Variants in SPEN observed in about 807,000 individuals in gnomAD.
SPEN encodes the protein msx2-interacting protein.
In SPEN, 18 loss-of-function variants were observed where a neutral mutation model predicts 269.9. The observed-to-expected ratio is 0.07, with a 90% CI of 0.05 to 0.10. The LOEUF (loss-of-function observed/expected upper bound fraction) is 0.10, where lower values mean the gene tolerates loss of function less well. Among genes scored for constraint, SPEN ranks in the 10% least tolerant of loss-of-function variants. SPEN has a pLI of 1.00. For missense variants in SPEN, 3,822 were observed against 4,631.2 expected (o/e 0.83, Z 5.07); for synonymous variants, 1,726 against 1,765.7 (o/e 0.98, Z 0.56).
In SPEN at chr1:15,935,257, G is replaced by C; in HGVS notation, c.9017G>C (p.Ser3006Thr). Residue 3006 changes from serine (S) to threonine (T), a missense_variant, in exon 11 of 15, where the codon AGC becomes ACC. Ser to Thr is a moderately conservative substitution (Grantham distance 58). Around this residue, in one of 16 missense-constraint regions of SPEN, gnomAD observed 94 missense variants for 90.4 expected, o/e 1.04. Coordinates refer to ENST00000375759, the MANE Select transcript of SPEN (RefSeq NM_015001.3). This position sits in a 1 kb window ranked among gnomAD's most constrained non-coding sequence, Gnocchi z 7.7. The stretch of plus-strand genomic sequence containing the variant: ...GTCAACCATGTCCCCTCGGGGCCCA[G>C]CATCCCAGCAGATCGAACTGTCTCC... ...TEVNHVPSGP[S>T]IPADRTVSHL... 6.2e-7 allele frequency: 1 copy of C among 1,614,108 alleles called. No homozygotes were observed. The highest frequency in any genetic ancestry group is 8.5e-7 in the Non-Finnish European group (1 of 1,180,028).
At chr1:15,851,149 TTTTG>T (rs778056018) in intron 1 of SPEN, among the ~76,000 whole-genome samples, 5 of 152,312 alleles carry the variant, frequency 3.3e-5, no homozygotes, top group Non-Finnish European at 5.9e-5. Context: ...TTCTGATTAG[TTTTG>T]TTTGTTTGTT....
intron 1 of SPEN, among the ~76,000 whole-genome samples, chr1:15,859,140 G>GTTTTT (rs34623941): frequency 1.5e-4 from 20 of 135,672 alleles, no homozygotes; most frequent in African/African-American, 5.3e-4. Flanking sequence ...TTCTTTTTTA[G>GTTTTT]TTTTTTTTTT....
At chr1:15,888,451 G>A in intron 3 of SPEN, among the ~76,000 whole-genome samples, 1 of 151,700 alleles carries the variant, frequency 6.6e-6, no homozygotes, top group Non-Finnish European at 1.5e-5. Context: ...AGCCTCCCTA[G>A]TAGCTGGGAT....
intron 3 of SPEN, among the ~76,000 whole-genome samples, chr1:15,908,932 C>T (rs1013074450): frequency 2.0e-5 from 3 of 152,068 alleles, no homozygotes; most frequent in East Asian, 1.9e-4. Flanking sequence ...GATTTGTCCA[C>T]GGACATGTGC....
intron 3 of SPEN, among the ~76,000 whole-genome samples, chr1:15,904,963 A>G (rs1207209895): frequency 6.7e-6 from 1 of 148,476 alleles, no homozygotes; most frequent in Non-Finnish European, 1.5e-5. Flanking sequence ...ACCTTGGCTC[A>G]CTGCGACCTC....
intron 6 of SPEN, among the ~76,000 whole-genome samples, chr1:15,918,603 AG>A (rs1277283189): frequency 6.6e-6 from 1 of 152,250 alleles, no homozygotes; most frequent in Non-Finnish European, 1.5e-5. Context: ...TTCATTAAAT[AG>A]CCTGCCTTTT....
intron 3 of SPEN, among the ~76,000 whole-genome samples, chr1:15,892,750 T>A (rs1218211886): frequency 6.6e-6 from 1 of 152,156 alleles, no homozygotes; most frequent in Middle Eastern, 3.2e-3. Flanking sequence ...CTAAATAAAT[T>A]AATTTCCCAA....
chr1:15,929,149 C>A lies in SPEN; in HGVS notation c.2909C>A (p.Ala970Glu). 1 of 1,614,086 alleles carries A rather than the reference C, an allele frequency of 6.2e-7. No homozygotes were observed. The highest frequency in any genetic ancestry group is 8.5e-7 in the Non-Finnish European group (1 of 1,180,024). ...AAGCACCTCAAGCCTGAGCAGCCTG[C>A]AGATGGGGTAAGTGCTGTGGATCTG... ...ARKHLKPEQP[A>E]DGVSAVDLEK... Residue 970 changes from alanine (A) to glutamate (E), a missense_variant, in exon 11 of 15, where the codon GCA becomes GAA. Physicochemically the swap from Ala to Glu is moderately radical, Grantham distance 107. Coordinates refer to ENST00000375759, the MANE Select transcript of SPEN (RefSeq NM_015001.3). The surrounding 1 kb of genome is among the most constrained non-coding windows in gnomAD (Gnocchi z 5.8).
chr1:15,858,252 C>CAAAA (rs34220792), intron 1 of SPEN, among the ~76,000 whole-genome samples: 2 of 146,496 alleles, frequency 1.4e-5, no homozygotes. Flanking sequence ...CTGGGCCCAG[C>CAAAA]AAAAAAAAAA....
intron 8 of SPEN, 142 bp from the exon 9 acceptor site, chr1:15,920,728 C>G: frequency 2.7e-6 from 1 of 374,074 alleles, no homozygotes; most frequent in Non-Finnish European, 4.7e-6. Context: ...CAGTGTGCAT[C>G]ACACTTTTTT....
chr1:15,901,271 C>T (rs903250890), intron 3 of SPEN, among the ~76,000 whole-genome samples: 1 of 150,252 alleles, frequency 6.7e-6, no homozygotes, highest in African/African-American at 2.4e-5. Context: ...GCCAAGATTG[C>T]GCCGCTGTAC....
Position 15,932,869 on chromosome 1 carries a change from C to T in SPEN, c.6629C>T (p.Ala2210Val). Residue 2210 changes from alanine to valine, a missense_variant, in exon 11 of 15, where the codon GCA (alanine) becomes GTA (valine). Ala to Val is a moderately conservative substitution (Grantham distance 64, BLOSUM62 0). Transcript: ENST00000375759. This position sits in a 1 kb window ranked among gnomAD's most constrained non-coding sequence, Gnocchi z 4.2. Reference protein sequence around the residue: ...PEDRDKPAHQASETELAAAIG... With the variant: ...PEDRDKPAHQVSETELAAAIG... ...GACAGGGACAAGCCTGCACACCAAG[C>T]AAGTGAAACAGAGCTGGCTGCGGCC... 11 of 1,614,246 alleles carry T rather than the reference C, an allele frequency of 6.8e-6. No homozygotes were observed. The highest frequency in any genetic ancestry group is 1.3e-5 in the African/African-American group (1 of 75,066).
At chr1:15,892,516 C>T (rs559187705) in intron 3 of SPEN, among the ~76,000 whole-genome samples, 1 of 152,076 alleles carries the variant, frequency 6.6e-6, no homozygotes, top group African/African-American at 2.4e-5. Context: ...TTTAAATTCC[C>T]TAAACCCTTC....
chr1:15,870,672 G>T (rs546793393), intron 1 of SPEN, among the ~76,000 whole-genome samples: 2 of 152,254 alleles, frequency 1.3e-5, no homozygotes, highest in African/African-American at 4.8e-5. Context: ...TAGGTCAGTT[G>T]CAAAAGCTAA....
Position 15,876,743 on chromosome 1 carries a change from G to A in SPEN, c.881+65G>A, listed in dbSNP as rs1469506709. The A allele has an allele frequency of 7.5e-6, 9 of 1,199,258 alleles. No individual in the cohort carries two copies. The Admixed American group carries it at 1.7e-4, about 23-fold the overall frequency. 74.3% of individuals were successfully genotyped at this position (1,199,258 alleles called of 1,614,324 possible). A position where few individuals can be genotyped will look rare whatever the true frequency, so the allele number is the denominator to read the frequency against. ...TTAAACAAATTCTCAACAATCAGTG[G>A]GAATGGTTTCAGCATAGTATTATTT... On this transcript the variant is annotated intron_variant, in intron 3 of 14. Transcript: ENST00000375759.
At position 15,921,029 on chromosome 1, in the gene SPEN, A is replaced by G. The variant is rs60611847; in HGVS notation, c.1749+46A>G. On this transcript the variant is annotated intron_variant, in intron 9 of 14. Transcript: ENST00000375759. ...CAGAAGCAAAACAAAGTCCTATTCA[A>G]ATCTCACCCTCTTGGGCTGGGCGTG... 1,825 of 1,306,300 alleles carry G rather than the reference A, an allele frequency of 1.4e-3. 29 individuals are homozygous for G. In the African/African-American group the frequency reaches 0.024, roughly 17 times the overall value. The allele number at this position is 1,306,300 out of a possible 1,614,324, so 80.9% of individuals were successfully genotyped here.
intron 3 of SPEN, among the ~76,000 whole-genome samples, chr1:15,882,343 T>C (rs1357558722): frequency 1.3e-5 from 2 of 151,736 alleles, no homozygotes; most frequent in African/African-American, 4.8e-5. Context: ...ATTATTGGAT[T>C]CCCGCCCCCC....
chr1:15,875,060 A>G lies in SPEN; in HGVS notation c.405-1142A>G, dbSNP rs896966493. On this transcript the variant is annotated intron_variant, in intron 2 of 14. Transcript: ENST00000375759. ...ATTCCTTAATCCCTTTTGATAGAAG[A>G]TAGATCCAGAGATGGGTTGAAGAGA... 9.9e-5 allele frequency among the ~76,000 whole-genome samples: 15 copies of G among 152,164 alleles called. No homozygotes were observed. The South Asian group carries it at 1.0e-3, about 11-fold the overall frequency.
chr1:15,895,059 A>G (rs776828319), intron 3 of SPEN, among the ~76,000 whole-genome samples: 3 of 151,836 alleles, frequency 2.0e-5, no homozygotes, highest in Non-Finnish European at 4.4e-5. Flanking sequence ...AGTAGCTGGG[A>G]ATATAGGTAT....
Sources: gnomAD v4.1 joint callset for allele counts (sites outside exome capture counted in the v4.1 genomes callset) on GRCh38, gnomAD v4.1.1 for gene constraint, gnomAD v4.1.1 regional missense constraint, Gnocchi (gnomAD v3.1) non-coding constraint, MANE v1.5 for transcripts, NCBI Gene and HGNC (gene_info 2026-07-23, HGNC 2026-07-21) for gene names.